Variants in CDH9 observed in about 807,000 individuals in gnomAD.
CDH9 encodes the protein cadherin 9, also known as cadherin-9.
A neutral mutation model predicts 70.9 loss-of-function variants in CDH9; 28 were observed. That is an observed-to-expected ratio of 0.40 (90% CI 0.29 to 0.54). CDH9 has a LOEUF of 0.54. Among genes scored for constraint, CDH9 ranks in the 20% least tolerant of loss-of-function variants. CDH9 has a pLI of 0.59. For missense variants in CDH9, 874 were observed against 984.4 expected (o/e 0.89, Z 1.50); for synonymous variants, 409 against 343.1 (o/e 1.19, Z -2.12).
chr5:26,949,165 C>A (rs984578393), intron 2 of CDH9, among the ~76,000 whole-genome samples: 1 of 152,024 alleles, frequency 6.6e-6, no homozygotes, highest in East Asian at 1.9e-4. Context: ...TACATTTGAC[C>A]CTTTTGGCTT....
At chr5:26,975,094 C>T (rs1742283349) in intron 2 of CDH9, among the ~76,000 whole-genome samples, 1 of 152,086 alleles carries the variant, frequency 6.6e-6, no homozygotes, top group African/African-American at 2.4e-5. Context: ...CCCTCACTTT[C>T]TGATTGACAT....
intron 1 of CDH9, among the ~76,000 whole-genome samples, chr5:27,000,343 A>C (rs1238987203): frequency 2.0e-5 from 3 of 152,164 alleles, no homozygotes; most frequent in African/African-American, 7.2e-5. Context: ...TGAATGGTGA[A>C]AATCCAAAAA....
chr5:27,024,757 T>C (rs1207175461), intron 1 of CDH9, among the ~76,000 whole-genome samples: 1 of 152,092 alleles, frequency 6.6e-6, no homozygotes, highest in East Asian at 1.9e-4. Flanking sequence ...CATTGAAACT[T>C]ATGTTCTGAC....
At chr5:26,946,545 C>T (rs1208886582) in intron 2 of CDH9, among the ~76,000 whole-genome samples, 1 of 152,056 alleles carries the variant, frequency 6.6e-6, no homozygotes, top group Non-Finnish European at 1.5e-5. Context: ...AGTTTTGAAG[C>T]AGATGATGAA....
At chr5:26,978,915 A>C (rs1199326929) in intron 2 of CDH9, among the ~76,000 whole-genome samples, 1 of 151,822 alleles carries the variant, frequency 6.6e-6, no homozygotes, top group Non-Finnish European at 1.5e-5. Context: ...ATATTTTTCA[A>C]AAATGAAAAT....
At chr5:26,938,817 T>C (rs892051061) in intron 2 of CDH9, among the ~76,000 whole-genome samples, 5 of 152,094 alleles carry the variant, frequency 3.3e-5, no homozygotes, top group African/African-American at 9.6e-5. Flanking sequence ...TGTTCTGAAA[T>C]ATATTATATC....
chr5:26,976,531 G>A (rs533049959), intron 2 of CDH9, among the ~76,000 whole-genome samples: 7 of 152,016 alleles, frequency 4.6e-5, no homozygotes, highest in Admixed American at 2.0e-4. Context: ...TCTGCTTCCC[G>A]GGCTCAAGCA....
chr5:26,964,280 A>G (rs930683426), intron 2 of CDH9, among the ~76,000 whole-genome samples: 3 of 152,102 alleles, frequency 2.0e-5, no homozygotes, highest in Non-Finnish European at 4.4e-5. Flanking sequence ...ATATTTCACT[A>G]AAGCCAGGTT....
chr5:26,954,388 C>CTTTTTTT (rs59882843), intron 2 of CDH9, among the ~76,000 whole-genome samples: 1,652 of 92,960 alleles, frequency 0.018, 312 homozygotes, highest in African/African-American at 0.073. Flanking sequence ...TACAGCCTTT[C>CTTTTTTT]TTTTTTTTTT....
At chr5:26,906,655 C>A in intron 4 of CDH9, 64 bp downstream of exon 4, 2 of 1,540,184 alleles carry the variant, frequency 1.3e-6, no homozygotes, top group South Asian at 1.2e-5. Context: ...TTAAAAATCT[C>A]TAAATTAATT....
chr5:27,023,656 T>C (rs1743175919), intron 1 of CDH9, among the ~76,000 whole-genome samples: 4 of 152,084 alleles, frequency 2.6e-5, no homozygotes. Context: ...ATTTGCTTTC[T>C]TCTTGCTGTA....
chr5:27,017,146 T>G, intron 1 of CDH9, among the ~76,000 whole-genome samples: 1 of 152,018 alleles, frequency 6.6e-6, no homozygotes, highest in East Asian at 1.9e-4. Flanking sequence ...TCAAAAAATA[T>G]TATTTCATTC....
At chr5:27,001,829 TACACACAC>T (rs1318692075) in intron 1 of CDH9, among the ~76,000 whole-genome samples, 3 of 132,892 alleles carry the variant, frequency 2.3e-5, no homozygotes, top group African/African-American at 8.2e-5. Context: ...GTGCTTAACA[TACACACAC>T]ACACACACTC....
chr5:26,901,364 T>C (rs1740851130), intron 7 of CDH9, among the ~76,000 whole-genome samples: 1 of 151,902 alleles, frequency 6.6e-6, no homozygotes, highest in Non-Finnish European at 1.5e-5. Context: ...ACATTGGATT[T>C]TATGGACTGT....
chr5:27,029,060 G>T (rs1297773898), intron 1 of CDH9, among the ~76,000 whole-genome samples: 2 of 151,838 alleles, frequency 1.3e-5, no homozygotes, highest in African/African-American at 4.8e-5. Flanking sequence ...ATATAGTAAA[G>T]GTTATATCTC....
At chr5:27,015,646 T>A (rs1272262122) in intron 1 of CDH9, among the ~76,000 whole-genome samples, 1 of 151,694 alleles carries the variant, frequency 6.6e-6, no homozygotes, top group Non-Finnish European at 1.5e-5. Context: ...AAATATATGA[T>A]ATGCTTTCTT....
intron 2 of CDH9, among the ~76,000 whole-genome samples, chr5:26,937,250 C>A (rs1741575037): frequency 1.3e-5 from 2 of 152,034 alleles, no homozygotes; most frequent in Admixed American, 6.6e-5. Flanking sequence ...ACACACATGG[C>A]AAATAAGCAT....
chr5:27,035,657 T>C (rs1043723251), intron 1 of CDH9, among the ~76,000 whole-genome samples: 1 of 150,420 alleles, frequency 6.6e-6, no homozygotes, highest in African/African-American at 2.4e-5. Flanking sequence ...AATTACTCTA[T>C]GTTAATATTG....
intron 2 of CDH9, among the ~76,000 whole-genome samples, chr5:26,918,515 T>G (rs1338281701): frequency 1.3e-5 from 2 of 152,230 alleles, no homozygotes; most frequent in African/African-American, 2.4e-5. Context: ...TTTTTAAAAC[T>G]AACTTTTCAC....
Sources: gnomAD v4.1 joint callset for allele counts (sites outside exome capture counted in the v4.1 genomes callset) on GRCh38, gnomAD v4.1.1 for gene constraint, MANE v1.5 for transcripts, NCBI Gene and HGNC (gene_info 2026-07-23, HGNC 2026-07-21) for gene names.